MYO16: variants seen among roughly 807,000 people sequenced by gnomAD.
MYO16 encodes myosin XVI.
MYO16 carries 94 observed loss-of-function variants against 205.3 expected under a neutral mutation model. The observed-to-expected ratio is 0.46, with a 90% CI of 0.39 to 0.54. MYO16 has a LOEUF of 0.54. Ranked by LOEUF, MYO16 falls within the 20% of genes least tolerant of loss-of-function variation. The pLI is 0.00. For missense variants in MYO16, 2,315 were observed against 2,387.5 expected (o/e 0.97, Z 0.63); for synonymous variants, 988 against 954.0 (o/e 1.04, Z -0.66).
intron 34 of MYO16, among the ~76,000 whole-genome samples, chr13:109,190,683 G>A (rs1308895043): frequency 1.3e-5 from 2 of 152,124 alleles, no homozygotes; most frequent in African/African-American, 4.8e-5. Context: ...TCACTGGTTG[G>A]AGGAAATTAA....
intron 4 of MYO16, among the ~76,000 whole-genome samples, chr13:108,729,126 G>A (rs1281347039): frequency 6.6e-6 from 1 of 151,796 alleles, no homozygotes; most frequent in Admixed American, 6.6e-5. Flanking sequence ...GGCTAGTACT[G>A]TATATAAAAA....
chr13:109,058,656 T>C (rs1887490493), intron 27 of MYO16, among the ~76,000 whole-genome samples: 1 of 152,194 alleles, frequency 6.6e-6, no homozygotes, highest in Admixed American at 6.5e-5. Flanking sequence ...GGATTTTGCC[T>C]TGATGTTGCT....
intron 27 of MYO16, among the ~76,000 whole-genome samples, chr13:109,095,344 C>T (rs780419987): frequency 2.6e-5 from 4 of 152,226 alleles, no homozygotes; most frequent in Non-Finnish European, 5.9e-5. Context: ...TCCGGACTCA[C>T]GTCCTGCTCC....
rs196142 is a variant in MYO16, at chr13:108,882,044, G to C, written c.1426-1015G>C. Among the ~76,000 whole-genome samples, 880 of 152,322 alleles carry C rather than the reference G, an allele frequency of 5.8e-3. 6 individuals are homozygous for C. The highest frequency in any genetic ancestry group is 0.02 in the African/African-American group (839 of 41,562). On this transcript the variant is annotated intron_variant, in intron 12 of 34. Transcript: ENST00000457511. ...GGAAAAACTGTAAAGGGCAGCCAGAGAGAAAGGTCAGTTTGCCCACAAAGA... is the reference window on the plus strand; with the variant it reads ...GGAAAAACTGTAAAGGGCAGCCAGACAGAAAGGTCAGTTTGCCCACAAAGA...
chr13:108,967,840 A>G (rs1360780664), intron 20 of MYO16, among the ~76,000 whole-genome samples: 1 of 152,186 alleles, frequency 6.6e-6, no homozygotes, highest in African/African-American at 2.4e-5. Flanking sequence ...CTCTAGGAAA[A>G]TGGGAAGCAC....
At chr13:109,185,307 G>C (rs941282009) in intron 34 of MYO16, among the ~76,000 whole-genome samples, 4 of 152,104 alleles carry the variant, frequency 2.6e-5, no homozygotes, top group African/African-American at 9.7e-5. Flanking sequence ...CATTCATCAT[G>C]TAAGTGCACA....
At chr13:108,958,609 G>T (rs1883470163) in intron 17 of MYO16, among the ~76,000 whole-genome samples, 1 of 152,210 alleles carries the variant, frequency 6.6e-6, no homozygotes, top group Non-Finnish European at 1.5e-5. Context: ...GATGCTTGAA[G>T]TGTGGCTAGT....
chr13:109,029,878 ATCTTCTGCT>A (rs1471238295), intron 23 of MYO16, among the ~76,000 whole-genome samples: 3 of 152,188 alleles, frequency 2.0e-5, no homozygotes, highest in African/African-American at 7.2e-5. Flanking sequence ...CATTTAGAGA[ATCTTCTGCT>A]TCTTCACATA....
At chr13:109,009,172 A>G in intron 22 of MYO16, 123 bp downstream of exon 22, 2 of 757,104 alleles carry the variant, frequency 2.6e-6, no homozygotes, top group Non-Finnish European at 4.0e-6. Flanking sequence ...TTCTGCAATA[A>G]TTTTTCAAAA....
At chr13:108,500,241 G>T in the MYO16 span, among the ~76,000 whole-genome samples, 1,676 of 4,592 alleles carry the variant, frequency 0.36, 722 homozygotes, top group Middle Eastern at 0.5. Flanking sequence ...TGTTTTTTTT[G>T]TTTTTTTTTT....
Position 109,162,643 on chromosome 13 carries a change from G to A in MYO16, c.5165-2258G>A, listed in dbSNP as rs1381501646. Among the ~76,000 whole-genome samples, 1 of 152,068 alleles carries A rather than the reference G, an allele frequency of 6.6e-6. No homozygotes were observed. Among genetic ancestry groups the A allele is most frequent in the Non-Finnish European group, 1.5e-5 (1 of 68,032 alleles). ...TGTTTATTGCCAATCACCTTTTTGG[G>A]AGAGAAGCTCCCAGGTACCAGGCAG... On this transcript the variant is annotated intron_variant, in intron 32 of 34. Coordinates refer to ENST00000457511, the MANE Select transcript of MYO16 (RefSeq NM_001198950.3). This position sits in a 1 kb window ranked among gnomAD's most constrained non-coding sequence, Gnocchi z 4.6.
rs971157579 is a variant in MYO16, at chr13:108,815,788, A to C, written c.868-4549A>C. On this transcript the variant is annotated intron_variant, in intron 7 of 34. Coordinates refer to ENST00000457511, the MANE Select transcript of MYO16 (RefSeq NM_001198950.3). ...ATTTTTTATAGAAATTGGAAAATTC[A>C]TCCTAAAAATTATGGAATGCAAAGT... is the stretch of plus-strand genomic sequence containing the variant. Among the ~76,000 whole-genome samples the C allele has an allele frequency of 5.9e-5, 9 of 152,374 alleles. No homozygotes were observed. The East Asian group carries it at 1.5e-3, about 26-fold the overall frequency.
At chr13:108,752,983 A>G (rs1490928449) in intron 4 of MYO16, among the ~76,000 whole-genome samples, 1 of 151,844 alleles carries the variant, frequency 6.6e-6, no homozygotes, top group Non-Finnish European at 1.5e-5. Flanking sequence ...TCAGAAATGT[A>G]TTAAATATGT....
chr13:109,131,420 G>A (rs1343960595), intron 31 of MYO16, among the ~76,000 whole-genome samples: 1 of 152,210 alleles, frequency 6.6e-6, no homozygotes, highest in East Asian at 1.9e-4. Context: ...AAACAGTACA[G>A]AGAGCAATTT....
At chr13:109,129,725 A>C (rs1201990697) in intron 31 of MYO16, among the ~76,000 whole-genome samples, 2 of 152,206 alleles carry the variant, frequency 1.3e-5, no homozygotes, top group African/African-American at 4.8e-5. Context: ...CATTGAAAAA[A>C]CAGTAATGAA....
At chr13:108,637,279 G>A (rs1880297723) in intron 1 of MYO16, among the ~76,000 whole-genome samples, 2 of 152,022 alleles carry the variant, frequency 1.3e-5, no homozygotes, top group South Asian at 4.1e-4. Flanking sequence ...ATATCTGGAG[G>A]GTTTCACACT....
intron 15 of MYO16, among the ~76,000 whole-genome samples, chr13:108,906,923 T>C (rs1480575055): frequency 6.6e-6 from 1 of 152,206 alleles, no homozygotes; most frequent in Non-Finnish European, 1.5e-5. Context: ...ACCAAAGTGA[T>C]GACCACCTTG....
intron 2 of MYO16, among the ~76,000 whole-genome samples, chr13:108,692,286 A>C (rs1008774847): frequency 1.1e-4 from 17 of 152,284 alleles, no homozygotes; most frequent in African/African-American, 3.8e-4. Flanking sequence ...AAATGTCCTC[A>C]GCACTTTTGA....
intron 21 of MYO16, among the ~76,000 whole-genome samples, chr13:109,001,049 A>G (rs928336220): frequency 4.6e-5 from 7 of 152,004 alleles, no homozygotes; most frequent in African/African-American, 1.7e-4. Flanking sequence ...CAATGTCTTT[A>G]TACATGTGAA....
Sources: gnomAD v4.1 joint callset for allele counts (sites outside exome capture counted in the v4.1 genomes callset) on GRCh38, gnomAD v4.1.1 for gene constraint, Gnocchi (gnomAD v3.1) non-coding constraint, MANE v1.5 for transcripts, NCBI Gene and HGNC (gene_info 2026-07-23, HGNC 2026-07-21) for gene names.